The following RNF144A variants were observed in gnomAD, a reference collection of about 807,000 sequenced individuals.
RNF144A encodes ring finger protein 144A.
In RNF144A, 11 loss-of-function variants were observed where a neutral mutation model predicts 38.7. That is an observed-to-expected ratio of 0.28 (90% confidence interval 0.18 to 0.47). The LOEUF (loss-of-function observed/expected upper bound fraction) is 0.47, where lower values mean the gene tolerates loss of function less well. RNF144A is among the 20% of genes least tolerant of loss of function. RNF144A has a pLI of 0.99. For synonymous variants in RNF144A, 149 were observed against 143.9 expected, an observed-to-expected ratio of 1.04 and a Z score of -0.25; for missense variants, 316 against 377.2, an observed-to-expected ratio of 0.84 and a Z score of 1.34.
Position 6,958,504 on chromosome 2 carries a change from C to T in RNF144A, c.-12+17357C>T. Among the ~76,000 whole-genome samples, 1 of 151,886 alleles carries T rather than the reference C, an allele frequency of 6.6e-6. No individual in the cohort carries two copies. Among genetic ancestry groups the T allele is most frequent in the Non-Finnish European group, 1.5e-5 (1 of 67,994 alleles). ...GACCTTGAGCAATAACCCATGTGGC[C>T]CACTTTTTCGTTCTTGGTGGAGCGC... On this transcript the variant is annotated intron_variant, in intron 2 of 8. Transcript: ENST00000320892. This position sits in a 1 kb window ranked among gnomAD's most constrained non-coding sequence, Gnocchi z 4.5.
chr2:7,025,480 C>T (rs374323694), intron 7 of RNF144A, among the ~76,000 whole-genome samples: 3 of 152,252 alleles, frequency 2.0e-5, no homozygotes, highest in Middle Eastern at 3.4e-3. Context: ...TCAAGACCAG[C>T]CTGGGCAACA....
At chr2:7,048,713 T>C (rs1180011550), downstream of RNF144A, among the ~76,000 whole-genome samples, 1 of 152,204 alleles carries the variant, frequency 6.6e-6, no homozygotes, top group Non-Finnish European at 1.5e-5. Flanking sequence ...TAGGAAACGA[T>C]CACCTTGGAA....
rs540286240 is a variant in RNF144A, at chr2:7,041,986, C to G, written c.*2226C>G. The G allele has an allele frequency of 3.0e-6, 3 of 985,314 alleles. No individual in the cohort carries two copies. Among genetic ancestry groups the G allele is most frequent in the Non-Finnish European group, 3.6e-6 (3 of 829,950 alleles). 61.0% of individuals were successfully genotyped at this position (985,314 alleles called of 1,614,324 possible). ...TCACCTCTGATGTGTTTCACAAGCA[C>G]GTAGTTCAACCCAGATAGGGACCAC... On this transcript the variant is annotated 3_prime_UTR_variant, in exon 9 of 9. Coordinates refer to ENST00000320892, the MANE Select transcript of RNF144A (RefSeq NM_014746.6).
At chr2:6,990,572 A>ACAC (rs377124161) in intron 2 of RNF144A, among the ~76,000 whole-genome samples, 2,639 of 83,914 alleles carry the variant, frequency 0.031, 51 homozygotes, top group South Asian at 0.056. Flanking sequence ...TACACACACA[A>ACAC]ACACACACAC....
At chr2:7,054,340 A>G (rs567125620) in intron 6 of RNF144A, among the ~76,000 whole-genome samples, 1 of 152,362 alleles carries the variant, frequency 6.6e-6, no homozygotes, top group Admixed American at 6.5e-5. Flanking sequence ...ACATACATAT[A>G]CATACATATG....
intron 2 of RNF144A, among the ~76,000 whole-genome samples, chr2:6,970,510 G>A (rs920937462): frequency 3.9e-5 from 6 of 152,272 alleles, no homozygotes; most frequent in African/African-American, 1.2e-4. Flanking sequence ...GAAAACAGAC[G>A]AATACACGTC....
In RNF144A at chr2:7,001,687, C is replaced by T. The variant is rs142108258; in HGVS notation, c.135+4626C>T. 1.2e-4 allele frequency among the ~76,000 whole-genome samples: 18 copies of T among 152,232 alleles called. No homozygotes were observed. In the East Asian group the frequency reaches 2.9e-3, roughly 25 times the overall value. On this transcript the variant is annotated intron_variant, in intron 3 of 8. Coordinates refer to ENST00000320892, the MANE Select transcript of RNF144A (RefSeq NM_014746.6). ...GCAAGACCCTGTCTCAGAAACAAAA[C>T]AAAACAAAAACGTAACATTTAATAG...
At position 6,972,696 on chromosome 2, in the gene RNF144A, C is replaced by T. The variant is rs541355653; in HGVS notation, c.-11-24220C>T. Among the ~76,000 whole-genome samples, 7 of 152,308 alleles carry T rather than the reference C, an allele frequency of 4.6e-5. No individual in the cohort carries two copies. The East Asian group carries it at 1.2e-3, about 25-fold the overall frequency. ...GCCAGCTGTGTCTCAGGGTTGTGTT[C>T]CACCCTGGGGGTGCAGTGCATCCCA... is the stretch of plus-strand genomic sequence containing the variant. On this transcript the variant is annotated intron_variant, in intron 2 of 8. Coordinates refer to ENST00000320892, the MANE Select transcript of RNF144A (RefSeq NM_014746.6).
chr2:6,922,221 G>C (rs551311414), intron 1 of RNF144A, among the ~76,000 whole-genome samples: 1 of 146,710 alleles, frequency 6.8e-6, no homozygotes, highest in South Asian at 2.2e-4. Context: ...CATGTCTTCC[G>C]AGTGACCCAT....
rs1427259352 is a variant in RNF144A at position 6,943,507 on chromosome 2, T to A, written c.-12+2360T>A. 6.6e-6 allele frequency among the ~76,000 whole-genome samples: 1 copy of A among 152,194 alleles called. No homozygotes were observed. The highest frequency in any genetic ancestry group is 1.5e-5 in the Non-Finnish European group (1 of 68,036). On this transcript the variant is annotated intron_variant, in intron 2 of 8. Transcript: ENST00000320892. This position sits in a 1 kb window ranked among gnomAD's most constrained non-coding sequence, Gnocchi z 4.3. ...GGTGGGGTAAATAAGCTTAGGAGAA[T>A]TATTTTTCAGTTGGAAGCATTATCA...
chr2:7,014,837 G>A (rs1671038363), intron 5 of RNF144A, 65 bp downstream of exon 5: 7 of 1,228,228 alleles, frequency 5.7e-6, no homozygotes, highest in Non-Finnish European at 8.3e-6. Flanking sequence ...AATTTTGTGG[G>A]GAGTTCTTTT....
chr2:6,986,958 G>A (rs1039688278), intron 2 of RNF144A, among the ~76,000 whole-genome samples: 10 of 152,052 alleles, frequency 6.6e-5, no homozygotes, highest in African/African-American at 2.2e-4. Context: ...TCTGGTAGCC[G>A]AAGTGTAATG....
chr2:7,059,178 T>C (rs1285727252), intron 6 of RNF144A, among the ~76,000 whole-genome samples: 2 of 151,910 alleles, frequency 1.3e-5, no homozygotes, highest in East Asian at 3.9e-4. Flanking sequence ...TAACCCCATC[T>C]CTACTAAAAA....
In RNF144A at chr2:7,030,303, GTGTA is replaced by G. The variant is rs1467902125; in HGVS notation, c.747+94_747+97del. On this transcript the variant is annotated intron_variant, in intron 8 of 8. Coordinates refer to ENST00000320892, the MANE Select transcript of RNF144A (RefSeq NM_014746.6). ...TGTGTGTGTGTGTGTGTGTGTGTGT[GTGTA>G]TGTATATCTTTAGTGTTTCCAGACT... 387 of 661,268 alleles carry G rather than the reference GTGTA, an allele frequency of 5.9e-4. 2 individuals carry two copies. The highest frequency in any genetic ancestry group is 7.2e-4 in the Non-Finnish European group (306 of 423,582). The allele number at this position is 661,268 out of a possible 1,614,324, so 41.0% of individuals were successfully genotyped here. A position where few individuals can be genotyped will look rare whatever the true frequency, so the allele number is the denominator to read the frequency against.
intron 3 of RNF144A, among the ~76,000 whole-genome samples, chr2:7,007,481 G>T (rs996543001): frequency 1.5e-4 from 23 of 152,198 alleles, no homozygotes; most frequent in Admixed American, 7.8e-4. Flanking sequence ...TCTTAAATTC[G>T]CACACACTCG....
chr2:6,952,155 TAAG>T (rs1280367932), intron 2 of RNF144A, among the ~76,000 whole-genome samples: 2 of 152,308 alleles, frequency 1.3e-5, no homozygotes, highest in East Asian at 3.9e-4. Context: ...CTGCATCTAT[TAAG>T]AGGACCATAT....
chr2:6,991,545 A>T (rs1250323909), intron 2 of RNF144A, among the ~76,000 whole-genome samples: 2 of 152,190 alleles, frequency 1.3e-5, no homozygotes, highest in African/African-American at 4.8e-5. Context: ...GGTGTAGCAC[A>T]GTAAATGGCT....
intron 3 of RNF144A, among the ~76,000 whole-genome samples, chr2:7,004,903 A>G (rs1327591135): frequency 1.3e-5 from 2 of 152,216 alleles, no homozygotes; most frequent in Non-Finnish European, 2.9e-5. Context: ...TTGGCACATA[A>G]TGGCCCTCCA....
At chr2:6,926,439 G>A (rs150997323) in intron 1 of RNF144A, among the ~76,000 whole-genome samples, 65 of 152,354 alleles carry the variant, frequency 4.3e-4, no homozygotes, top group East Asian at 9.6e-4. Context: ...GGGGTTGGCC[G>A]TGCTAGGCCT....
Sources: allele counts gnomAD v4.1 joint callset (sites outside exome capture counted in the v4.1 genomes callset), GRCh38; gene constraint gnomAD v4.1.1; non-coding constraint Gnocchi (gnomAD v3.1); transcripts MANE v1.5; gene names NCBI Gene and HGNC (gene_info 2026-07-23, HGNC 2026-07-21).